BPTF: variants seen among roughly 807,000 people sequenced by gnomAD.
BPTF encodes bromodomain PHD finger transcription factor.
BPTF carries 18 observed loss-of-function variants against 292.5 expected under a neutral mutation model. That is an observed-to-expected ratio of 0.06 (90% CI 0.04 to 0.09). The LOEUF (loss-of-function observed/expected upper bound fraction) is 0.09. Among genes scored for constraint, BPTF ranks in the 10% least tolerant of loss-of-function variants. The pLI is 1.00. For synonymous variants in BPTF, 1,225 were observed against 1,251.9 expected (o/e 0.98, Z 0.45); for missense variants, 2,726 against 3,498.7 (o/e 0.78, Z 5.57).
intron 11 of BPTF, among the ~76,000 whole-genome samples, chr17:67,913,875 A>G (rs996970462): frequency 6.6e-6 from 1 of 152,216 alleles, no homozygotes; most frequent in Non-Finnish European, 1.5e-5. Flanking sequence ...GTAAATGTAC[A>G]GTAATTTGCC....
intron 25 of BPTF, among the ~76,000 whole-genome samples, chr17:67,964,835 T>TA (rs1181992999): frequency 1.5e-4 from 23 of 150,820 alleles, no homozygotes; most frequent in African/African-American, 5.4e-4. Context: ...CCGTCTCTAC[T>TA]AAAAATACAA....
At position 67,833,858 on chromosome 17, in the gene BPTF, G is replaced by A. The variant is rs1409829307; in HGVS notation, c.613+7521G>A. On this transcript the variant is annotated intron_variant, in intron 1 of 27. Transcript: ENST00000306378. The stretch of plus-strand genomic sequence containing the variant: ...GCTGGGATTACAGGTGTGAGCCACC[G>A]TGCCTGGAAGAAAGTAATTCAGGAG... Among the ~76,000 whole-genome samples, 8 of 152,126 alleles carry A rather than the reference G, an allele frequency of 5.3e-5. No homozygotes were observed. The East Asian group carries it at 9.6e-4, about 18-fold the overall frequency.
chr17:67,887,755 C>CCT (rs145987850), intron 4 of BPTF, among the ~76,000 whole-genome samples: 3 of 152,062 alleles, frequency 2.0e-5, no homozygotes, highest in African/African-American at 7.2e-5. Context: ...TCTTTGTTTT[C>CCT]CTCTCTCTCT....
intron 17 of BPTF, among the ~76,000 whole-genome samples, chr17:67,930,861 A>G (rs2064318171): frequency 1.3e-5 from 2 of 151,918 alleles, no homozygotes; most frequent in African/African-American, 4.8e-5. Context: ...AGGGTAAGGG[A>G]CGAGAATTGC....
intron 4 of BPTF, among the ~76,000 whole-genome samples, chr17:67,880,787 ATC>A (rs1202118688): frequency 6.6e-6 from 1 of 151,880 alleles, no homozygotes; most frequent in Non-Finnish European, 1.5e-5. Context: ...TAGGCTAATT[ATC>A]TTTTTTTTTT....
In BPTF at chr17:67,880,487, C is replaced by A. The variant is rs538660528; in HGVS notation, c.1864+5467C>A. ...CTTATTTTATTTTTAAATGCATGAC[C>A]AGAACACAACCACAAACTGTAATAG... On this transcript the variant is annotated intron_variant, in intron 4 of 27. Coordinates refer to ENST00000306378, the MANE Select transcript of BPTF (RefSeq NM_182641.4). Among the ~76,000 whole-genome samples the A allele has an allele frequency of 4.5e-4, 68 of 152,224 alleles. No individual in the cohort carries two copies. In the South Asian group the frequency reaches 0.011, roughly 25 times the overall value.
At position 67,944,340 on chromosome 17, in the gene BPTF, C is replaced by T. The variant is rs143937013; in HGVS notation, c.6668C>T (p.Thr2223Ile). 1.9e-6 allele frequency: 3 copies of T among 1,612,274 alleles called. No individual in the cohort carries two copies. The highest frequency in any genetic ancestry group is 2.7e-5 in the African/African-American group (2 of 75,020). Reference sequence around the variant, plus strand: ...GCAACAACAGCCACCACAGCCAGCACCACCACCACCACTGTTTCCACGACA... The same window carrying T: ...GCAACAACAGCCACCACAGCCAGCATCACCACCACCACTGTTTCCACGACA... Reference protein sequence around the residue: ...PLATTATTASTTTTTVSTTAA... With the variant: ...PLATTATTASITTTTVSTTAA... The change falls in exon 20 of 28, where the codon ACC becomes ATC. Residue 2223 changes from threonine to isoleucine, a missense_variant. By Grantham distance (89) the Thr-to-Ile change is moderately conservative. This residue lies in a region of BPTF where 570 missense variants were observed against 633.5 expected (regional missense o/e 0.90). Transcript: ENST00000306378.
At chr17:67,918,978 C>G in intron 12 of BPTF, 140 bp downstream of exon 12, 2 of 812,894 alleles carry the variant, frequency 2.5e-6, no homozygotes, top group South Asian at 3.8e-5. Flanking sequence ...CCTGACCATC[C>G]TGGCTAACAT....
At chr17:67,903,971 A>G in intron 8 of BPTF, 53 bp downstream of exon 8, 1 of 1,452,308 alleles carries the variant, frequency 6.9e-7, no homozygotes. Context: ...TGAGACTTTT[A>G]TTCTGAAACT....
rs189145980 is a variant in BPTF at position 67,887,688 on chromosome 17, A to G, written c.1865-4156A>G. ...AGTGAAGAGGGAATTTAATTAGCTC[A>G]TGTAGTTGGGAAGTCCGAGCCATCA... On this transcript the variant is annotated intron_variant, in intron 4 of 27. Coordinates refer to ENST00000306378, the MANE Select transcript of BPTF (RefSeq NM_182641.4). Among the ~76,000 whole-genome samples, 160 of 152,334 alleles carry G rather than the reference A, an allele frequency of 1.1e-3. 1 individual carries two copies. The highest frequency in any genetic ancestry group is 3.5e-3 in the African/African-American group (147 of 41,584).
At chr17:67,835,592 AT>A (rs1339922510) in intron 1 of BPTF, among the ~76,000 whole-genome samples, 2 of 149,754 alleles carry the variant, frequency 1.3e-5, no homozygotes. Context: ...ACTTTCCATT[AT>A]TTGTTGTCCT....
At chr17:67,957,417 G>A (rs1266619429) in intron 23 of BPTF, 2 of 151,742 alleles carry the variant, frequency 1.3e-5, no homozygotes, top group Admixed American at 6.6e-5. Flanking sequence ...TAAATGTGTC[G>A]GATTTTGGCC....
At chr17:67,838,649 TA>T (rs1444849613) in intron 1 of BPTF, among the ~76,000 whole-genome samples, 1 of 152,152 alleles carries the variant, frequency 6.6e-6, no homozygotes, top group East Asian at 1.9e-4. Flanking sequence ...GCTAGTTTTT[TA>T]TATTTTTTTA....
At chr17:67,958,285 C>G (rs2067139967) in intron 23 of BPTF, among the ~76,000 whole-genome samples, 1 of 151,896 alleles carries the variant, frequency 6.6e-6, no homozygotes, top group African/African-American at 2.4e-5. Context: ...TGAGCCAAGA[C>G]TGTGCCACTG....
In BPTF at chr17:67,959,618, A is replaced by C. The variant is rs1178691928; in HGVS notation, c.8004A>C (p.Ala2668=). 5 of 1,588,494 alleles carry C rather than the reference A, an allele frequency of 3.1e-6. No homozygotes were observed. The highest frequency in any genetic ancestry group is 2.2e-5 in the East Asian group (1 of 44,640). The change falls in exon 24 of 28, where the codon GCA becomes GCC. Residue 2668 remains alanine (A), a synonymous_variant. Transcript: ENST00000306378. The part of the protein sequence containing the change: ...MQLAQATAVA[A]PCPPVTPAPP... ...TGGCTCAGGCCACAGCAGTAGCTGC[A>C]CCCTGCCCCCCAGTGACACCAGCTC...
chr17:67,830,563 G>A (rs928361829), intron 1 of BPTF, among the ~76,000 whole-genome samples: 1 of 142,436 alleles, frequency 7.0e-6, no homozygotes, highest in African/African-American at 2.5e-5. Context: ...CATTTAAGGG[G>A]ATTGATGTGG....
At chr17:67,933,678 AAGG>A (rs2064631886) in intron 18 of BPTF, among the ~76,000 whole-genome samples, 1 of 152,258 alleles carries the variant, frequency 6.6e-6, no homozygotes, top group African/African-American at 2.4e-5. Context: ...ATTTGAAATC[AAGG>A]AGAAATTAAT....
intron 27 of BPTF, among the ~76,000 whole-genome samples, chr17:67,977,149 A>G (rs1408692408): frequency 6.6e-6 from 1 of 152,244 alleles, no homozygotes; most frequent in Non-Finnish European, 1.5e-5. Context: ...AGTCAAGTTT[A>G]GAGGCAGAAT....
intron 1 of BPTF, among the ~76,000 whole-genome samples, chr17:67,843,130 C>T (rs1386105937): frequency 1.4e-5 from 2 of 147,224 alleles, no homozygotes; most frequent in Non-Finnish European, 3.0e-5. Context: ...AGATATATAC[C>T]TATATCTACA....
Sources: gnomAD v4.1 joint callset for allele counts (sites outside exome capture counted in the v4.1 genomes callset) on GRCh38, gnomAD v4.1.1 for gene constraint, gnomAD v4.1.1 regional missense constraint, MANE v1.5 for transcripts, NCBI Gene and HGNC (gene_info 2026-07-23, HGNC 2026-07-21) for gene names.